PLAC8: variants seen among roughly 807,000 people sequenced by gnomAD.
PLAC8 encodes placenta associated 8.
Under a neutral mutation model 12.6 loss-of-function variants are expected in PLAC8, and 6 were observed. That is an observed-to-expected ratio of 0.48 (90% CI 0.26 to 0.94). The LOEUF (loss-of-function observed/expected upper bound fraction) is 0.94, where lower values mean the gene tolerates loss of function less well. Among genes scored for constraint, PLAC8 ranks in the 40% least tolerant of loss-of-function variants. The pLI, the probability that PLAC8 is intolerant of heterozygous loss-of-function variation, is 0.14. For missense variants in PLAC8, 122 were observed against 152.7 expected (o/e 0.80, Z 1.06); for synonymous variants, 54 against 52.6 (o/e 1.03, Z -0.11).
chr4:83,103,854 A>G (rs1732173049), intron 3 of PLAC8, among the ~76,000 whole-genome samples: 1 of 152,154 alleles, frequency 6.6e-6, no homozygotes, highest in East Asian at 1.9e-4. Context: ...TTTTTAGTAG[A>G]CAGGGGTTTC....
At chr4:83,112,718 C>T (rs148608418) in intron 1 of PLAC8, among the ~76,000 whole-genome samples, 157 of 152,270 alleles carry the variant, frequency 1.0e-3, no homozygotes, top group Non-Finnish European at 1.7e-3. Context: ...CTCATTTGTA[C>T]GCGCCTCTGT....
chr4:83,097,078 T>C (rs1731955370), intron 3 of PLAC8, among the ~76,000 whole-genome samples: 1 of 152,220 alleles, frequency 6.6e-6, no homozygotes, highest in South Asian at 2.1e-4. Flanking sequence ...CTTCAGCTGT[T>C]TATTTGCTAC....
chr4:83,094,792 C>T lies in PLAC8; in HGVS notation c.244-1G>A. ...CCATATAGTCATCACAAATAGATCC[C>T]TGTTTGAAAACCAAAAAGAAATAAA... On this transcript the variant is annotated splice_acceptor_variant, in intron 3 of 4. Transcript: ENST00000311507. LOFTEE classifies it high-confidence loss of function. 1.3e-6 allele frequency: 2 copies of T among 1,531,544 alleles called. No homozygotes were observed. The highest frequency in any genetic ancestry group is 1.8e-6 in the Non-Finnish European group (2 of 1,133,370). 94.9% of individuals were successfully genotyped at this position (1,531,544 alleles called of 1,614,324 possible). A position where few individuals can be genotyped will look rare whatever the true frequency, so the allele number is the denominator to read the frequency against.
rs748401249 is a variant in PLAC8 at position 83,094,658 on chromosome 4, G to A, written c.*9+20C>T. The A allele has an allele frequency of 6.3e-5, 77 of 1,217,230 alleles. No individual in the cohort carries two copies. In the East Asian group the frequency reaches 1.6e-3, roughly 26 times the overall value. 75.4% of individuals were successfully genotyped at this position (1,217,230 alleles called of 1,614,324 possible). A position where few individuals can be genotyped will look rare whatever the true frequency, so the allele number is the denominator to read the frequency against. The stretch of plus-strand genomic sequence containing the variant: ...TCTAAAAACCCACATGTTCTGAGAG[G>A]CATGTTTGCATTGACTCACCATCAG... On this transcript the variant is annotated intron_variant, in intron 4 of 4. Transcript: ENST00000311507.
At chr4:83,110,339 G>A (rs1383037254) in intron 1 of PLAC8, among the ~76,000 whole-genome samples, 5 of 143,656 alleles carry the variant, frequency 3.5e-5, no homozygotes, top group East Asian at 2.1e-4. Context: ...AGCAACCACA[G>A]CTCTCTAGAC....
chr4:83,099,723 C>T (rs1732038920), intron 3 of PLAC8, among the ~76,000 whole-genome samples: 1 of 151,702 alleles, frequency 6.6e-6, no homozygotes, highest in Admixed American at 6.6e-5. Flanking sequence ...AGAGGCTGGG[C>T]ATGGTGGCTC....
At chr4:83,101,292 A>G (rs532805493) in intron 3 of PLAC8, among the ~76,000 whole-genome samples, 1 of 152,328 alleles carries the variant, frequency 6.6e-6, no homozygotes, top group South Asian at 2.1e-4. Context: ...AGGCAGGAGA[A>G]TCGCTTGAAC....
At chr4:83,101,275 G>T (rs1732094947) in intron 3 of PLAC8, among the ~76,000 whole-genome samples, 1 of 152,188 alleles carries the variant, frequency 6.6e-6, no homozygotes, top group South Asian at 2.1e-4. Context: ...AGCTACTGGC[G>T]AGGCTGAGGC....
chr4:83,092,109 G>C (rs1412859920), intron 4 of PLAC8, among the ~76,000 whole-genome samples: 1 of 151,988 alleles, frequency 6.6e-6, no homozygotes, highest in Non-Finnish European at 1.5e-5. Flanking sequence ...AGTGATGTAG[G>C]GTCCAAGTTG....
intron 3 of PLAC8, among the ~76,000 whole-genome samples, chr4:83,102,084 G>A (rs1732113771): frequency 1.3e-5 from 2 of 151,902 alleles, no homozygotes. Flanking sequence ...AGCCAATCAA[G>A]GAGTAATTTT....
intron 4 of PLAC8, among the ~76,000 whole-genome samples, chr4:83,091,747 G>A (rs1005025627): frequency 6.6e-6 from 1 of 152,126 alleles, no homozygotes; most frequent in Admixed American, 6.5e-5. Flanking sequence ...AGTTCCATAT[G>A]GGAGATGTGT....
intron 1 of PLAC8, among the ~76,000 whole-genome samples, chr4:83,112,188 T>TTATATATATATATATG (rs1256075630): frequency 7.0e-4 from 68 of 96,482 alleles, no homozygotes; most frequent in African/African-American, 3.1e-3. Context: ...AAAAAAAAAT[T>TTATATATATATATATG]TATATATATA....
chr4:83,098,980 T>C (rs932242521), intron 3 of PLAC8, among the ~76,000 whole-genome samples: 2 of 152,126 alleles, frequency 1.3e-5, no homozygotes, highest in Non-Finnish European at 2.9e-5. Context: ...ATGACTTTCT[T>C]TGGTCTATAT....
At chr4:83,098,931 T>C (rs952072297) in intron 3 of PLAC8, among the ~76,000 whole-genome samples, 9 of 152,118 alleles carry the variant, frequency 5.9e-5, no homozygotes, top group African/African-American at 2.2e-4. Flanking sequence ...ATGGCTTATT[T>C]GGTACAAAAA....
chr4:83,103,065 G>A (rs1353041831), intron 3 of PLAC8, among the ~76,000 whole-genome samples: 4 of 124,530 alleles, frequency 3.2e-5, no homozygotes, highest in Admixed American at 9.2e-5. Flanking sequence ...CAGCCTGGGT[G>A]ACAGAGCAAG....
intron 1 of PLAC8, among the ~76,000 whole-genome samples, chr4:83,109,161 G>A (rs538518418): frequency 6.6e-6 from 1 of 152,304 alleles, no homozygotes; most frequent in South Asian, 2.1e-4. Context: ...CCGTTTAAAT[G>A]TCCACTTGTT....
chr4:83,108,362 G>A (rs1312410406), intron 1 of PLAC8, among the ~76,000 whole-genome samples: 1 of 152,178 alleles, frequency 6.6e-6, no homozygotes, highest in Non-Finnish European at 1.5e-5. Context: ...GGAGGCCGAG[G>A]CCGACGGATC....
In PLAC8 at chr4:83,090,732, T is replaced by C. The variant is rs927672743; in HGVS notation, c.*249A>G. The C allele has an allele frequency of 5.7e-5, 7 of 121,788 alleles. No individual in the cohort carries two copies. The highest frequency in any genetic ancestry group is 1.2e-4 in the Non-Finnish European group (7 of 59,094). The allele number at this position is 121,788 out of a possible 1,614,324, so 7.5% of individuals were successfully genotyped here. A position where few individuals can be genotyped will look rare whatever the true frequency, so the allele number is the denominator to read the frequency against. Reference sequence around the variant, plus strand: ...TTTGGTTTATATTTCAAATGTAATTTAAAAAGTTTATAAGCCAGGAAATTC... The same window carrying C: ...TTTGGTTTATATTTCAAATGTAATTCAAAAAGTTTATAAGCCAGGAAATTC... On this transcript the variant is annotated 3_prime_UTR_variant, in exon 5 of 5. Transcript: ENST00000311507.
chr4:83,102,546 A>G (rs929084228), intron 3 of PLAC8, among the ~76,000 whole-genome samples: 14 of 151,918 alleles, frequency 9.2e-5, no homozygotes, highest in Non-Finnish European at 1.6e-4. Flanking sequence ...CTCAAAAAAC[A>G]AAACAGAAAA....
Sources: allele counts gnomAD v4.1 joint callset (sites outside exome capture counted in the v4.1 genomes callset), GRCh38; gene constraint gnomAD v4.1.1; transcripts MANE v1.5; gene names NCBI Gene and HGNC (gene_info 2026-07-23, HGNC 2026-07-21).